Variants in SCMH1 observed in about 807,000 individuals in gnomAD.
SCMH1 encodes the protein polycomb protein SCMH1.
In SCMH1, 37 loss-of-function variants were observed where a neutral mutation model predicts 70.8. The observed-to-expected ratio is 0.52, with a 90% confidence interval of 0.40 to 0.69. The LOEUF (loss-of-function observed/expected upper bound fraction) is 0.69, where lower values mean the gene tolerates loss of function less well. Among genes scored for constraint, SCMH1 ranks in the 30% least tolerant of loss-of-function variants. SCMH1 has a pLI of 0.00. For synonymous variants in SCMH1, 292 were observed against 307.4 expected, an observed-to-expected ratio of 0.95 and a Z score of 0.52; for missense variants, 607 against 827.3, an observed-to-expected ratio of 0.73 and a Z score of 3.27.
intron 2 of SCMH1, among the ~76,000 whole-genome samples, chr1:41,182,033 G>A (rs1335593868): frequency 6.6e-6 from 1 of 152,188 alleles, no homozygotes; most frequent in Non-Finnish European, 1.5e-5. Flanking sequence ...AAAATGATGA[G>A]TTCATGTCCT....
intron 10 of SCMH1, among the ~76,000 whole-genome samples, chr1:41,065,788 A>G (rs1368769431): frequency 6.6e-6 from 1 of 152,150 alleles, no homozygotes; most frequent in African/African-American, 2.4e-5. Context: ...TAGACACAGA[A>G]CCTACACTCT....
chr1:41,211,989 G>T (rs1657133292), intron 1 of SCMH1, among the ~76,000 whole-genome samples: 1 of 152,134 alleles, frequency 6.6e-6, no homozygotes, highest in African/African-American at 2.4e-5. Flanking sequence ...ATACAGGGCG[G>T]GGAACATGAC....
chr1:41,105,051 G>A (rs1419349209), intron 8 of SCMH1, among the ~76,000 whole-genome samples: 1 of 152,022 alleles, frequency 6.6e-6, no homozygotes, highest in African/African-American at 2.4e-5. Context: ...TGCCTCCTGG[G>A]TTCAAGTGAT....
At chr1:41,158,536 T>C (rs541897278) in intron 4 of SCMH1, among the ~76,000 whole-genome samples, 6 of 152,272 alleles carry the variant, frequency 3.9e-5, no homozygotes, top group Admixed American at 3.3e-4. Context: ...GGCCCAGACA[T>C]GAGAAAAAGC....
intron 1 of SCMH1, among the ~76,000 whole-genome samples, chr1:41,200,111 T>G (rs1474544111): frequency 1.3e-5 from 2 of 152,214 alleles, no homozygotes; most frequent in Non-Finnish European, 2.9e-5. Flanking sequence ...CTTTTTTGAT[T>G]GTAATCCACA....
chr1:41,193,810 T>C (rs1325697996), intron 1 of SCMH1, among the ~76,000 whole-genome samples: 3 of 152,194 alleles, frequency 2.0e-5, no homozygotes, highest in Admixed American at 1.3e-4. Context: ...TGGTATATTA[T>C]ATATTGAGGA....
chr1:41,121,509 C>T (rs1044674576), intron 6 of SCMH1, among the ~76,000 whole-genome samples: 4 of 152,140 alleles, frequency 2.6e-5, no homozygotes, highest in Non-Finnish European at 5.9e-5. Flanking sequence ...AATTAGGCAA[C>T]GACCTAGGCT....
chr1:41,176,005 A>C (rs1374172438), intron 2 of SCMH1, among the ~76,000 whole-genome samples: 1 of 151,746 alleles, frequency 6.6e-6, no homozygotes, highest in Non-Finnish European at 1.5e-5. Context: ...TTAGTATTCT[A>C]TTGCTTAAGT....
chr1:41,195,131 C>CAAAA (rs35569635), intron 1 of SCMH1, among the ~76,000 whole-genome samples: 6 of 26,248 alleles, frequency 2.3e-4, no homozygotes, highest in Non-Finnish European at 3.2e-4. Context: ...AACTCTCTCT[C>CAAAA]AAAAAAAAAA....
chr1:41,034,388 C>T (rs538853852), intron 13 of SCMH1, among the ~76,000 whole-genome samples: 83 of 151,292 alleles, frequency 5.5e-4, no homozygotes, highest in East Asian at 3.9e-4. Context: ...AGTGCAGTGG[C>T]GTGATCTCGG....
intron 13 of SCMH1, among the ~76,000 whole-genome samples, chr1:41,032,042 G>A (rs376188190): frequency 1.3e-5 from 2 of 152,138 alleles, no homozygotes; most frequent in Non-Finnish European, 2.9e-5. Context: ...TTGGCTGTGC[G>A]AGGTTACAGT....
intron 5 of SCMH1, 29 bp from the exon 6 acceptor site, chr1:41,143,141 C>T: frequency 6.3e-7 from 1 of 1,582,550 alleles, no homozygotes; most frequent in Non-Finnish European, 8.7e-7. Flanking sequence ...GAGGTATAGA[C>T]AGATTAAGAG....
chr1:41,093,667 T>G (rs1055421913), intron 8 of SCMH1, among the ~76,000 whole-genome samples: 1 of 152,240 alleles, frequency 6.6e-6, no homozygotes, highest in Non-Finnish European at 1.5e-5. Flanking sequence ...CATGCATTGG[T>G]CATTTGTAAA....
At chr1:41,191,795 T>C (rs1055732801) in intron 1 of SCMH1, among the ~76,000 whole-genome samples, 1 of 152,178 alleles carries the variant, frequency 6.6e-6, no homozygotes, top group Non-Finnish European at 1.5e-5. Flanking sequence ...ATAGCAATCA[T>C]ACAGGGTTGG....
At chr1:41,209,954 T>C (rs1573087374) in intron 1 of SCMH1, among the ~76,000 whole-genome samples, 1 of 152,236 alleles carries the variant, frequency 6.6e-6, no homozygotes, top group Non-Finnish European at 1.5e-5. Context: ...ATTGCATATT[T>C]AGAAAACCCC....
At chr1:41,190,390 G>A (rs1346509651) in intron 1 of SCMH1, among the ~76,000 whole-genome samples, 2 of 152,192 alleles carry the variant, frequency 1.3e-5, no homozygotes, top group African/African-American at 2.4e-5. Context: ...TAGGTAGATA[G>A]ACTTCAGCAT....
intron 6 of SCMH1, among the ~76,000 whole-genome samples, chr1:41,121,169 T>C (rs995348667): frequency 4.0e-5 from 6 of 151,542 alleles, no homozygotes; most frequent in African/African-American, 1.4e-4. Flanking sequence ...AATAGGCTAA[T>C]ACATGCAAAG....
chr1:41,238,789 G>A lies in SCMH1; in HGVS notation c.-118+3270C>T, dbSNP rs563453523. On this transcript the variant is annotated intron_variant, in intron 1 of 14. Coordinates refer to ENST00000337495, the Ensembl canonical transcript of SCMH1. ...ACTTAACTCCGATATTCCACTTTCT[G>A]ACCACACCTCTTTTTTTTCTCAGCT... 1.7e-4 allele frequency among the ~76,000 whole-genome samples: 26 copies of A among 152,208 alleles called. No homozygotes were observed. In the South Asian group the frequency reaches 5.2e-3, roughly 30 times the overall value.
chr1:41,218,294 C>T (rs906726763), intron 1 of SCMH1, among the ~76,000 whole-genome samples: 3 of 152,068 alleles, frequency 2.0e-5, no homozygotes, highest in African/African-American at 7.3e-5. Context: ...CTGTGAATTG[C>T]CCTTACTTGG....
Sources: allele counts gnomAD v4.1 joint callset (sites outside exome capture counted in the v4.1 genomes callset), GRCh38; gene constraint gnomAD v4.1.1; transcripts MANE v1.5; gene names NCBI Gene and HGNC (gene_info 2026-07-23, HGNC 2026-07-21).